The following GALM variants were observed in gnomAD, a reference collection of about 807,000 sequenced individuals.
GALM encodes the protein galactose mutarotase.
In GALM, 43 loss-of-function variants were observed where a neutral mutation model predicts 37.4. The ratio of observed to expected loss-of-function variants is 1.15; its 90% CI spans 0.90 to 1.48. The LOEUF (loss-of-function observed/expected upper bound fraction) is 1.48, where lower values mean the gene tolerates loss of function less well. Among genes scored for constraint, GALM ranks in the 40% most tolerant of loss-of-function variants. GALM has a pLI of 0.00. For missense variants in GALM, 456 were observed against 419.1 expected (o/e 1.09, Z -0.77); for synonymous variants, 199 against 170.6 (o/e 1.17, Z -1.30).
rs760850177 is a variant in GALM, at chr2:38,676,021, C to G, written c.300C>G (p.Asn100Lys). 2 of 1,614,082 alleles carry G rather than the reference C, an allele frequency of 1.2e-6. No individual in the cohort carries two copies. Among genetic ancestry groups the G allele is most frequent in the East Asian group, 4.5e-5 (2 of 44,874 alleles). Residue 100 changes from asparagine to lysine, a missense_variant, in exon 2 of 7, where the codon AAC becomes AAG. Transcript: ENST00000272252. ...GGAAGGAGTATCACCTGGCCATTAACAAGGAACCCAACAGTCTGCATGGAG... is the reference window on the plus strand; with the variant it reads ...GGAAGGAGTATCACCTGGCCATTAAGAAGGAACCCAACAGTCTGCATGGAG... The part of the protein sequence containing the change: ...VDGKEYHLAI[N>K]KEPNSLHGGV...
intron 4 of GALM, among the ~76,000 whole-genome samples, chr2:38,710,378 CT>C (rs1191411748): frequency 3.3e-5 from 5 of 152,190 alleles, no homozygotes; most frequent in Non-Finnish European, 7.3e-5. Context: ...AGGATGCTTA[CT>C]GTGCATCTTG....
chr2:38,704,632 C>CA (rs1287958470), intron 4 of GALM, among the ~76,000 whole-genome samples: 5 of 151,130 alleles, frequency 3.3e-5, no homozygotes, highest in Non-Finnish European at 5.9e-5. Context: ...TATGATTGGG[C>CA]ACTGCACTTA....
intron 4 of GALM, among the ~76,000 whole-genome samples, chr2:38,724,902 T>G (rs1384156819): frequency 2.0e-5 from 3 of 152,248 alleles, no homozygotes; most frequent in Non-Finnish European, 4.4e-5. Flanking sequence ...AACACTGATT[T>G]GTAGATTGCT....
chr2:38,694,914 A>AAAAAAAG (rs1665768990), intron 4 of GALM, among the ~76,000 whole-genome samples: 1 of 139,244 alleles, frequency 7.2e-6, no homozygotes, highest in African/African-American at 3.2e-5. Context: ...AAAAAAAAAC[A>AAAAAAAG]AAAAAAGAAA....
At chr2:38,690,819 C>T (rs551763347) in intron 4 of GALM, among the ~76,000 whole-genome samples, 69 of 152,126 alleles carry the variant, frequency 4.5e-4, no homozygotes, top group Non-Finnish European at 8.2e-4. Context: ...GCCTGCATAC[C>T]CAACAGCAAC....
intron 2 of GALM, among the ~76,000 whole-genome samples, chr2:38,678,297 A>G (rs1239905846): frequency 6.6e-6 from 1 of 152,186 alleles, no homozygotes; most frequent in Non-Finnish European, 1.5e-5. Flanking sequence ...GGCATGATCC[A>G]TCGCACCCGG....
chr2:38,724,821 A>T (rs554201863), intron 4 of GALM, among the ~76,000 whole-genome samples: 101 of 152,302 alleles, frequency 6.6e-4, no homozygotes, highest in African/African-American at 2.4e-3. Context: ...CAAGCATACC[A>T]TTTATCAAAT....
At chr2:38,698,481 C>A in intron 4 of GALM, 1 of 1,010,458 alleles carries the variant, frequency 9.9e-7, no homozygotes, top group Non-Finnish European at 1.3e-6. Flanking sequence ...TAATTTAGCT[C>A]TGCGTCTTCA....
intron 4 of GALM, among the ~76,000 whole-genome samples, chr2:38,699,247 C>T (rs967402351): frequency 3.9e-5 from 6 of 152,226 alleles, no homozygotes; most frequent in South Asian, 2.1e-4. Flanking sequence ...ATACCTAATA[C>T]TTGATATCTA....
At chr2:38,686,466 C>T (rs552364497) in intron 3 of GALM, among the ~76,000 whole-genome samples, 94 of 151,906 alleles carry the variant, frequency 6.2e-4, no homozygotes, top group African/African-American at 1.9e-3. Context: ...GGGGTTTCAC[C>T]GTGTTAGCCA....
chr2:38,666,886 A>G (rs1664953649), intron 1 of GALM, among the ~76,000 whole-genome samples: 2 of 152,180 alleles, frequency 1.3e-5, no homozygotes, highest in African/African-American at 4.8e-5. Flanking sequence ...TAGGAACAAA[A>G]TAGAGAAGAC....
chr2:38,681,514 C>G (rs772683224), intron 3 of GALM, 28 bp downstream of exon 3: 1 of 1,569,982 alleles, frequency 6.4e-7, no homozygotes, highest in Admixed American at 1.7e-5. Context: ...TTCTTTCCTG[C>G]TTCGTGCTTT....
In GALM at chr2:38,704,872, C is replaced by T. The variant is rs115036963; in HGVS notation, c.634+14978C>T. ...TTGGTAGCAGTGGTATTCTTTAAGACGGCACATTACTGAATCCTTCCTGTA... is the reference window on the plus strand; with the variant it reads ...TTGGTAGCAGTGGTATTCTTTAAGATGGCACATTACTGAATCCTTCCTGTA... On this transcript the variant is annotated intron_variant, in intron 4 of 6. Coordinates refer to ENST00000272252, the MANE Select transcript of GALM (RefSeq NM_138801.3). Among the ~76,000 whole-genome samples, 1,144 of 152,114 alleles carry T rather than the reference C, an allele frequency of 7.5e-3. 15 individuals carry two copies. Among genetic ancestry groups the T allele is most frequent in the African/African-American group, 0.022 (898 of 41,496 alleles).
chr2:38,680,899 G>T (rs1228173025), intron 2 of GALM, among the ~76,000 whole-genome samples: 2 of 152,108 alleles, frequency 1.3e-5, no homozygotes, highest in Admixed American at 6.6e-5. Context: ...ACCTTGGGAG[G>T]CCGAGGCAGG....
intron 3 of GALM, among the ~76,000 whole-genome samples, chr2:38,686,240 CTTTCT>C (rs1665519624): frequency 1.1e-5 from 1 of 92,006 alleles, no homozygotes; most frequent in African/African-American, 6.7e-5. Context: ...TTCTTTCTTT[CTTTCT>C]TTCTTTCTTT....
intron 4 of GALM, among the ~76,000 whole-genome samples, chr2:38,724,977 C>G (rs1229802200): frequency 6.6e-6 from 1 of 152,120 alleles, no homozygotes; most frequent in Non-Finnish European, 1.5e-5. Flanking sequence ...TTGTAGCTTT[C>G]TTTGTTTCTT....
At chr2:38,720,203 C>T (rs1666349617) in intron 4 of GALM, among the ~76,000 whole-genome samples, 1 of 151,924 alleles carries the variant, frequency 6.6e-6, no homozygotes, top group African/African-American at 2.4e-5. Context: ...CAGAGTGAGA[C>T]CTTGTCTCTA....
intron 3 of GALM, among the ~76,000 whole-genome samples, chr2:38,684,410 T>C (rs1243078510): frequency 6.6e-6 from 1 of 152,050 alleles, no homozygotes; most frequent in East Asian, 1.9e-4. Flanking sequence ...TGGTGGCTCA[T>C]GCCTGTAATC....
intron 4 of GALM, among the ~76,000 whole-genome samples, chr2:38,695,648 C>A (rs1256557662): frequency 6.6e-6 from 1 of 152,162 alleles, no homozygotes. Flanking sequence ...CTTTCCACCC[C>A]AAATCCTTGT....
Sources: gnomAD v4.1 joint callset for allele counts (sites outside exome capture counted in the v4.1 genomes callset) on GRCh38, gnomAD v4.1.1 for gene constraint, MANE v1.5 for transcripts, NCBI Gene and HGNC (gene_info 2026-07-23, HGNC 2026-07-21) for gene names.